Variants in MYOM2 observed in about 807,000 individuals in gnomAD.
MYOM2 encodes the protein myomesin-2.
In MYOM2, 254 loss-of-function variants were observed where a neutral mutation model predicts 187.6. That is an observed-to-expected ratio of 1.35 (90% CI 1.22 to 1.50). The LOEUF (loss-of-function observed/expected upper bound fraction) is 1.50, where lower values mean the gene tolerates loss of function less well. Ranked by LOEUF, MYOM2 falls within the 40% of genes most tolerant of loss-of-function variation. The pLI, the probability that MYOM2 is intolerant of heterozygous loss-of-function variation, is 0.00. For synonymous variants in MYOM2, 981 were observed against 753.8 expected, an observed-to-expected ratio of 1.30 and a Z score of -4.94; for missense variants, 2,796 against 1,924.0, an observed-to-expected ratio of 1.45 and a Z score of -8.48.
In MYOM2 at chr8:2,057,637, G is replaced by T. The variant is rs138601887; in HGVS notation, c.417G>T (p.Leu139=). 3.1e-6 allele frequency: 5 copies of T among 1,613,978 alleles called. No homozygotes were observed. The highest frequency in any genetic ancestry group is 4.2e-6 in the Non-Finnish European group (5 of 1,180,014). ...TCTCGGGGCAGATGGAGGACAAGCT[G>T]GCCTGGGAGAGACACACATTTGAAG... is the stretch of plus-strand genomic sequence containing the variant. ...YAIQQMMEDK[L]AWERHTFEER... is the part of the protein sequence containing the mutation. Residue 139 remains leucine, a synonymous_variant, in exon 5 of 37, where the codon CTG becomes CTT. Coordinates refer to ENST00000262113, the MANE Select transcript of MYOM2 (RefSeq NM_003970.4).
At chr8:2,099,859 T>A (rs1796622215) in intron 19 of MYOM2, among the ~76,000 whole-genome samples, 1 of 152,250 alleles carries the variant, frequency 6.6e-6, no homozygotes, top group African/African-American at 2.4e-5. Flanking sequence ...CTGAAAAAGT[T>A]CAAAGTTCAG....
At chr8:2,085,436 C>CT (rs765790667) in intron 14 of MYOM2, 46 bp downstream of exon 14, 4 of 1,596,526 alleles carry the variant, frequency 2.5e-6, no homozygotes, top group Non-Finnish European at 3.4e-6. Context: ...TCTGCATGGC[C>CT]CCCCACTGTC....
intron 20 of MYOM2, 56 bp downstream of exon 20, chr8:2,101,110 T>C (rs998281803): frequency 6.4e-6 from 10 of 1,569,292 alleles, no homozygotes; most frequent in South Asian, 1.1e-5. Flanking sequence ...CTTTGGGAGG[T>C]AAAGGCGGGC....
chr8:2,136,707 T>G (rs1233042531), intron 32 of MYOM2, among the ~76,000 whole-genome samples: 1 of 152,164 alleles, frequency 6.6e-6, no homozygotes, highest in Non-Finnish European at 1.5e-5. Flanking sequence ...TGGGACACAT[T>G]TACAGCTATT....
intron 2 of MYOM2, among the ~76,000 whole-genome samples, chr8:2,051,501 G>A (rs760206507): frequency 5.9e-5 from 9 of 152,196 alleles, no homozygotes; most frequent in African/African-American, 1.7e-4. Context: ...GCGGGCAGGC[G>A]TTCTGCAGCC....
chr8:2,143,585 C>T (rs1376386567), intron 36 of MYOM2, 129 bp downstream of exon 36: 1 of 1,104,698 alleles, frequency 9.1e-7, no homozygotes, highest in Non-Finnish European at 1.4e-6. Context: ...TGCAGGGAAC[C>T]CAGAGTCCCC....
intron 18 of MYOM2, among the ~76,000 whole-genome samples, chr8:2,097,678 C>A (rs951952386): frequency 6.6e-6 from 1 of 152,090 alleles, no homozygotes; most frequent in Non-Finnish European, 1.5e-5. Flanking sequence ...CCACGCCCGG[C>A]TAATTTTTGT....
intron 6 of MYOM2, among the ~76,000 whole-genome samples, 191 bp from the exon 7 acceptor site, chr8:2,069,087 G>A (rs1293754906): frequency 6.6e-6 from 1 of 152,214 alleles, no homozygotes; most frequent in East Asian, 1.9e-4. Context: ...GCCTTCATCT[G>A]TGTCTATAAT....
intron 21 of MYOM2, 86 bp downstream of exon 21, chr8:2,102,867 G>C: frequency 9.2e-7 from 1 of 1,083,326 alleles, no homozygotes; most frequent in South Asian, 1.4e-5. Flanking sequence ...GAGGGTGTGT[G>C]GATAAATGAG....
rs142629109 is a variant in MYOM2 at position 2,107,810 on chromosome 8, C to G, written c.2999-976C>G. 4.2e-3 allele frequency among the ~76,000 whole-genome samples: 635 copies of G among 152,312 alleles called. 3 individuals carry two copies. Among genetic ancestry groups the G allele is most frequent in the Middle Eastern group, 0.017 (5 of 294 alleles). ...ACACAGTTTTGTACCTTCACGACATCCTGAAGGACTTCTGAAAAGCTGTGC... is the reference window on the plus strand; with the variant it reads ...ACACAGTTTTGTACCTTCACGACATGCTGAAGGACTTCTGAAAAGCTGTGC... On this transcript the variant is annotated intron_variant, in intron 23 of 36. Transcript: ENST00000262113.
rs59224989 is a variant in MYOM2 at position 2,080,044 on chromosome 8, C to T, written c.1516+431C>T. On this transcript the variant is annotated intron_variant, in intron 13 of 36. Coordinates refer to ENST00000262113, the MANE Select transcript of MYOM2 (RefSeq NM_003970.4). Reference sequence around the variant, plus strand: ...TTAACTGAAATGGATTGAGTCTTTCCTGCCAAATGATGTTCTTGGTCCTTA... The same window carrying T: ...TTAACTGAAATGGATTGAGTCTTTCTTGCCAAATGATGTTCTTGGTCCTTA... Among the ~76,000 whole-genome samples the T allele has an allele frequency of 5.1e-3, 773 of 152,322 alleles. 6 individuals carry two copies. Among genetic ancestry groups the T allele is most frequent in the African/African-American group, 0.017 (713 of 41,570 alleles).
At chr8:2,069,607 A>G in intron 8 of MYOM2, 110 bp downstream of exon 8, 1 of 1,320,580 alleles carries the variant, frequency 7.6e-7, no homozygotes, top group Admixed American at 1.8e-5. Context: ...TTTGAGACGG[A>G]GTCTCACTCT....
chr8:2,068,016 C>G (rs552989756), intron 6 of MYOM2, among the ~76,000 whole-genome samples: 21 of 152,272 alleles, frequency 1.4e-4, no homozygotes, highest in African/African-American at 4.8e-4. Flanking sequence ...ACGCCAGGTA[C>G]AAGCTGTGTT....
chr8:2,076,226 C>T lies in MYOM2; in HGVS notation c.1206C>T (p.Thr402=), dbSNP rs201055809. ...HDANRDYVIV[T]WKPPNTTTES... ...CCAACCGGGACTACGTCATCGTGAC[C>T]TGGAAGCCGCCCAACACCACCACTG... The change falls in exon 11 of 37, where the codon ACC becomes ACT. Residue 402 remains threonine (T), a synonymous_variant. Transcript: ENST00000262113. 2 of 1,613,680 alleles carry T rather than the reference C, an allele frequency of 1.2e-6. No individual in the cohort carries two copies. Among genetic ancestry groups the T allele is most frequent in the East Asian group, 2.2e-5 (1 of 44,874 alleles).
rs376977911 is a variant in MYOM2 at position 2,072,559 on chromosome 8, C to T, written c.958+50C>T. 2.7e-5 allele frequency: 43 copies of T among 1,571,132 alleles called. No homozygotes were observed. In the Middle Eastern group the frequency reaches 5.9e-4, roughly 21 times the overall value. The stretch of plus-strand genomic sequence containing the variant: ...GGGCACACACCAGGAGGCTTTTGGA[C>T]GGAAATGTCCTTTAAATGTGGGTGT... On this transcript the variant is annotated intron_variant, in intron 9 of 36. Transcript: ENST00000262113.
intron 19 of MYOM2, 70 bp from the exon 20 acceptor site, chr8:2,100,806 G>C (rs1796680376): frequency 2.0e-6 from 3 of 1,530,240 alleles, no homozygotes; most frequent in Non-Finnish European, 2.7e-6. Context: ...GGGTCCCCGG[G>C]GCTGGGTTGG....
intron 25 of MYOM2, among the ~76,000 whole-genome samples, chr8:2,115,677 C>T (rs10096555): frequency 0.05 from 7,663 of 152,210 alleles, 632 homozygotes; most frequent in African/African-American, 0.17. Context: ...ATCTGCTTCA[C>T]GTTAGTAACT....
Position 2,057,682 on chromosome 8 carries a change from T to C in MYOM2, c.462T>C (p.Pro154=), listed in dbSNP as rs755589420. The change falls in exon 5 of 37, where the codon CCT becomes CCC. Residue 154 remains proline, a synonymous_variant. Transcript: ENST00000262113. ...HTFEERISRA[P]EILVRLRSHT... ...TTGAAGAGCGGATAAGCAGGGCTCC[T>C]GAGATCCTGGTGCGGCTGCGATCCC... 1 of 1,613,610 alleles carries C rather than the reference T, an allele frequency of 6.2e-7. No homozygotes were observed. Among genetic ancestry groups the C allele is most frequent in the Non-Finnish European group, 8.5e-7 (1 of 1,179,566 alleles).
intron 32 of MYOM2, among the ~76,000 whole-genome samples, chr8:2,139,000 GCACCACCACCAGAGACCCGACACA>G (rs1798179718): frequency 9.9e-6 from 1 of 101,466 alleles, no homozygotes; most frequent in African/African-American, 4.1e-5. Context: ...CACACTGCCA[GCACCACCACCAGAGACCCGACACA>G]CACTGCCAGC....
Sources: allele counts gnomAD v4.1 joint callset (sites outside exome capture counted in the v4.1 genomes callset), GRCh38; gene constraint gnomAD v4.1.1; transcripts MANE v1.5; gene names NCBI Gene and HGNC (gene_info 2026-07-23, HGNC 2026-07-21).